GDAP1: variants seen among roughly 807,000 people sequenced by gnomAD.
GDAP1 encodes ganglioside-induced differentiation-associated protein 1.
In GDAP1, 34 loss-of-function variants were observed where a neutral mutation model predicts 40.1. The observed-to-expected ratio is 0.85, with a 90% CI of 0.64 to 1.13. The LOEUF is 1.13. Ranked by LOEUF, GDAP1 falls within the 50% of genes most tolerant of loss-of-function variation. GDAP1 has a pLI of 0.00. For synonymous variants in GDAP1, 170 were observed against 157.4 expected, an observed-to-expected ratio of 1.08 and a Z score of -0.60; for missense variants, 374 against 433.7, an observed-to-expected ratio of 0.86 and a Z score of 1.22.
rs1423721691 is a variant in GDAP1 at position 74,400,507 on chromosome 8, G to A, written c.165+49186G>A. Reference sequence around the variant, plus strand: ...CTGATGGGTCTTGACTCTTTATCCAGTTTGCCAGTCTGTGTCTTTTAATTG... The same window carrying A: ...CTGATGGGTCTTGACTCTTTATCCAATTTGCCAGTCTGTGTCTTTTAATTG... On this transcript the variant is annotated intron_variant, in intron 2 of 2. Transcript: ENST00000523640. 1.7e-4 allele frequency among the ~76,000 whole-genome samples: 25 copies of A among 149,840 alleles called. 2 individuals are homozygous for A. Among genetic ancestry groups the A allele is most frequent in the African/African-American group, 5.6e-4 (22 of 39,326 alleles).
At chr8:74,482,533 GA>G (rs1034245695) in intron 2 of GDAP1, among the ~76,000 whole-genome samples, 5 of 151,752 alleles carry the variant, frequency 3.3e-5, no homozygotes, top group East Asian at 3.9e-4. Flanking sequence ...GTTAAAAAAT[GA>G]AAAAAAATGA....
chr8:74,422,545 C>CCTTCCTTCCTTCCTTCCT (rs1805892023), intron 2 of GDAP1, among the ~76,000 whole-genome samples: 1 of 96,528 alleles, frequency 1.0e-5, no homozygotes, highest in African/African-American at 5.1e-5. Flanking sequence ...CTTTCTTTCT[C>CCTTCCTTCCTTCCTTCCT]TCTCAAACAG....
chr8:74,439,551 A>T (rs557214114), intron 2 of GDAP1, among the ~76,000 whole-genome samples: 3 of 151,222 alleles, frequency 2.0e-5, no homozygotes, highest in Admixed American at 6.6e-5. Flanking sequence ...TCATTGCAAC[A>T]TTGTATTTCT....
chr8:74,390,531 C>T (rs1245697646), intron 2 of GDAP1, among the ~76,000 whole-genome samples: 1 of 152,216 alleles, frequency 6.6e-6, no homozygotes, highest in Non-Finnish European at 1.5e-5. Context: ...GCAAAGATTG[C>T]TCCCTATTCC....
chr8:74,473,772 G>A lies in GDAP1; in HGVS notation c.166-14906G>A, dbSNP rs1371332685. Among the ~76,000 whole-genome samples the A allele has an allele frequency of 3.3e-5, 5 of 152,146 alleles. No homozygotes were observed. The East Asian group carries it at 9.7e-4, about 30-fold the overall frequency. Reference sequence around the variant, plus strand: ...CTGCTTTGTTCTTTTATTTAGGATAGCCTTGGCTATTCAGGCCCTTTTTTG... The same window carrying A: ...CTGCTTTGTTCTTTTATTTAGGATAACCTTGGCTATTCAGGCCCTTTTTTG... On this transcript the variant is annotated intron_variant, in intron 2 of 2. Transcript: ENST00000523640.
chr8:74,403,643 A>G (rs928980725), intron 2 of GDAP1, among the ~76,000 whole-genome samples: 1 of 150,298 alleles, frequency 6.7e-6, no homozygotes, highest in African/African-American at 2.5e-5. Flanking sequence ...GGTCAGCAGC[A>G]TTTGGGTAAG....
intron 2 of GDAP1, among the ~76,000 whole-genome samples, chr8:74,394,783 G>A (rs1810168294): frequency 6.6e-6 from 1 of 152,130 alleles, no homozygotes; most frequent in African/African-American, 2.4e-5. Context: ...GCTGGTGACA[G>A]AAGGAGTCAG....
chr8:74,379,042 A>G (rs1809905993), intron 2 of GDAP1, among the ~76,000 whole-genome samples: 1 of 147,456 alleles, frequency 6.8e-6, no homozygotes, highest in Non-Finnish European at 1.5e-5. Flanking sequence ...GGCCCTATGG[A>G]CTCTTACAGG....
At chr8:74,386,807 G>A (rs549388547) in intron 2 of GDAP1, among the ~76,000 whole-genome samples, 30 of 152,160 alleles carry the variant, frequency 2.0e-4, no homozygotes, top group Non-Finnish European at 3.7e-4. Flanking sequence ...TTGATTCTTC[G>A]TATCCATGAG....
Position 74,438,473 on chromosome 8 carries a change from T to C in GDAP1, c.166-50205T>C, listed in dbSNP as rs75951236. ...ACGTGTGTGAAATGATATTTCACTG[T>C]GGTTTTATTTAATAGTTCTCTGAAT... On this transcript the variant is annotated intron_variant, in intron 2 of 2. Transcript: ENST00000523640. 1.0e-3 allele frequency among the ~76,000 whole-genome samples: 152 copies of C among 152,310 alleles called. 1 individual carries two copies. The East Asian group carries it at 0.026, about 26-fold the overall frequency.
Position 74,350,466 on chromosome 8 carries a change from C to A in GDAP1, c.5C>A (p.Ala2Asp). M[A>D]ERQEEQRGSP... ...CCCGTGCTCGCGCACCCCAAGATGG[C>A]TGAGAGGCAGGAAGAGCAGAGAGGG... Residue 2 changes from alanine (A) to aspartate (D), a missense_variant, in exon 1 of 6, where the codon GCT becomes GAT. Ala to Asp is a moderately radical substitution (Grantham distance 126, BLOSUM62 -2). Coordinates refer to ENST00000220822, the MANE Select transcript of GDAP1 (RefSeq NM_018972.4). 1.9e-6 allele frequency: 3 copies of A among 1,605,474 alleles called. No individual in the cohort carries two copies. The highest frequency in any genetic ancestry group is 2.6e-6 in the Non-Finnish European group (3 of 1,173,040).
intron 2 of GDAP1, among the ~76,000 whole-genome samples, chr8:74,401,082 G>A (rs1810324886): frequency 6.7e-6 from 1 of 149,142 alleles, no homozygotes; most frequent in Admixed American, 6.6e-5. Flanking sequence ...TGTATTTCCT[G>A]AATCTGAATG....
At chr8:74,407,093 A>G (rs771698715) in intron 2 of GDAP1, among the ~76,000 whole-genome samples, 3 of 150,010 alleles carry the variant, frequency 2.0e-5, no homozygotes, top group Non-Finnish European at 4.4e-5. Context: ...TTTAGGCTTC[A>G]ATTAACAGGA....
chr8:74,404,938 T>C (rs1805618171), intron 2 of GDAP1, among the ~76,000 whole-genome samples: 1 of 150,146 alleles, frequency 6.7e-6, no homozygotes, highest in Non-Finnish European at 1.5e-5. Context: ...CATATCCTCC[T>C]GTATACTTCA....
chr8:74,406,879 T>C (rs1184588281), intron 2 of GDAP1, among the ~76,000 whole-genome samples: 1 of 149,878 alleles, frequency 6.7e-6, no homozygotes, highest in Non-Finnish European at 1.5e-5. Context: ...AGGGCTTCCA[T>C]AGAATACCTG....
At chr8:74,394,302 C>T (rs953565077) in intron 2 of GDAP1, among the ~76,000 whole-genome samples, 1 of 152,146 alleles carries the variant, frequency 6.6e-6, no homozygotes, top group African/African-American at 2.4e-5. Flanking sequence ...TGGGTCCCTC[C>T]CATGACACGT....
intron 2 of GDAP1, among the ~76,000 whole-genome samples, chr8:74,352,596 C>T (rs78185902): frequency 0.024 from 3,712 of 152,362 alleles, 156 homozygotes; most frequent in African/African-American, 0.085. Context: ...TGTTCTTAAT[C>T]TAAGTGCTAG....
At chr8:74,472,593 G>A (rs146879082) in intron 2 of GDAP1, among the ~76,000 whole-genome samples, 2,871 of 152,074 alleles carry the variant, frequency 0.019, 80 homozygotes, top group African/African-American at 0.065. Context: ...AACCTCACCA[G>A]CATCTGTTTT....
At chr8:74,419,223 T>A (rs916963798) in intron 2 of GDAP1, among the ~76,000 whole-genome samples, 13 of 152,332 alleles carry the variant, frequency 8.5e-5, no homozygotes, top group African/African-American at 3.1e-4. Flanking sequence ...AAAACGCTTA[T>A]ATAAATGTTT....
Sources: allele counts gnomAD v4.1 joint callset (sites outside exome capture counted in the v4.1 genomes callset), GRCh38; gene constraint gnomAD v4.1.1; transcripts MANE v1.5; gene names NCBI Gene and HGNC (gene_info 2026-07-23, HGNC 2026-07-21).